LRP1B: variants seen among roughly 807,000 people sequenced by gnomAD.
The protein encoded by LRP1B is LDL receptor related protein 1B.
LRP1B carries 217 observed loss-of-function variants against 556.6 expected under a neutral mutation model. The ratio of observed to expected loss-of-function variants is 0.39; its 90% CI spans 0.35 to 0.44. LRP1B has a LOEUF of 0.44. LRP1B is among the 20% of genes least tolerant of loss of function. The pLI, the probability that LRP1B is intolerant of heterozygous loss-of-function variation, is 1.00. For synonymous variants in LRP1B, 2,047 were observed against 1,865.8 expected (o/e 1.10, Z -2.50); for missense variants, 5,053 against 5,620.8 (o/e 0.90, Z 3.23).
rs1385772 is a variant in LRP1B, at chr2:140,516,995, T to C, written c.8043A>G (p.Lys2681=). ...ELKCPVQNKH[K]CEENYFSCPS... Reference sequence around the variant, plus strand: ...GACAACTAAAATAATTTTCTTCACATTTGTGTTTGTTTTGAACTGTGATAA... The same window carrying C: ...GACAACTAAAATAATTTTCTTCACACTTGTGTTTGTTTTGAACTGTGATAA... Residue 2681 remains lysine (K), a synonymous_variant, in exon 50 of 91, where the codon AAA becomes AAG. Coordinates refer to ENST00000389484, the MANE Select transcript of LRP1B (RefSeq NM_018557.3). The C allele has an allele frequency of 1.0e-3, 1,606 of 1,590,502 alleles. 17 individuals are homozygous for C. The African/African-American group carries it at 0.019, about 19-fold the overall frequency.
intron 2 of LRP1B, among the ~76,000 whole-genome samples, chr2:141,774,619 C>G (rs1466972855): frequency 2.0e-5 from 3 of 152,080 alleles, no homozygotes; most frequent in Non-Finnish European, 4.4e-5. Context: ...TATATTAAAC[C>G]ACACATTTTT....
intron 35 of LRP1B, among the ~76,000 whole-genome samples, chr2:140,731,806 G>C (rs973371729): frequency 6.8e-6 from 1 of 147,040 alleles, no homozygotes; most frequent in South Asian, 2.1e-4. Flanking sequence ...AGCAACAATA[G>C]GCATTTATTA....
At chr2:141,865,927 C>T (rs376479024) in intron 1 of LRP1B, among the ~76,000 whole-genome samples, 2 of 152,332 alleles carry the variant, frequency 1.3e-5, no homozygotes, top group Admixed American at 6.5e-5. Context: ...TGTTCTTAAA[C>T]GGACTTAACC....
intron 35 of LRP1B, among the ~76,000 whole-genome samples, chr2:140,737,098 G>T (rs556107700): frequency 1.3e-5 from 2 of 152,248 alleles, no homozygotes; most frequent in Admixed American, 6.5e-5. Context: ...GAGGGTGGTT[G>T]CCCCAATAAA....
At chr2:142,092,029 G>A (rs535290245) in intron 1 of LRP1B, among the ~76,000 whole-genome samples, 6 of 152,272 alleles carry the variant, frequency 3.9e-5, no homozygotes, top group South Asian at 2.1e-4. Context: ...ACAAGAGGAC[G>A]AACACTCACT....
At chr2:140,328,812 CAT>C (rs1243029407) in intron 79 of LRP1B, among the ~76,000 whole-genome samples, 2 of 151,486 alleles carry the variant, frequency 1.3e-5, no homozygotes, top group African/African-American at 4.9e-5. Context: ...ACTTATTTTT[CAT>C]ACACATACAC....
At chr2:140,292,096 C>T (rs1014968071) in intron 84 of LRP1B, among the ~76,000 whole-genome samples, 2 of 152,200 alleles carry the variant, frequency 1.3e-5, no homozygotes, top group South Asian at 4.1e-4. Flanking sequence ...CAGTTAGCTG[C>T]ATAAATGTCG....
At chr2:141,681,345 TA>T (rs796274007) in intron 2 of LRP1B, among the ~76,000 whole-genome samples, 1 of 149,804 alleles carries the variant, frequency 6.7e-6, no homozygotes, top group Admixed American at 6.7e-5. Flanking sequence ...TCTTGGTAAA[TA>T]AAAAAAAAAT....
chr2:141,702,268 G>A (rs890231292), intron 2 of LRP1B, among the ~76,000 whole-genome samples: 7 of 151,844 alleles, frequency 4.6e-5, no homozygotes, highest in African/African-American at 1.7e-4. Context: ...TTATAGGCAG[G>A]TGAAGAAAAT....
At chr2:141,039,290 A>G (rs1349989359) in intron 11 of LRP1B, among the ~76,000 whole-genome samples, 2 of 152,028 alleles carry the variant, frequency 1.3e-5, no homozygotes, top group African/African-American at 2.4e-5. Context: ...CATGCACATA[A>G]CATTTATTAT....
At chr2:142,023,952 T>G (rs1201214604) in intron 1 of LRP1B, among the ~76,000 whole-genome samples, 1 of 152,230 alleles carries the variant, frequency 6.6e-6, no homozygotes, top group Admixed American at 6.5e-5. Context: ...ATGACTTTTA[T>G]GTATGTATTT....
rs372525702 is a variant in LRP1B at position 140,323,133 on chromosome 2, A to G, written c.12514+760T>C. On this transcript the variant is annotated intron_variant, in intron 81 of 90. Transcript: ENST00000389484. ...AGATAAAATCCATTTCATTTGCCAT[A>G]AATAGTAATTACAAATAACCCTTCA... 2.6e-3 allele frequency among the ~76,000 whole-genome samples: 395 copies of G among 152,188 alleles called. 2 individuals carry two copies. Among genetic ancestry groups the G allele is most frequent in the African/African-American group, 9.1e-3 (379 of 41,570 alleles).
At chr2:140,997,074 C>A (rs1697268942) in intron 15 of LRP1B, among the ~76,000 whole-genome samples, 1 of 151,896 alleles carries the variant, frequency 6.6e-6, no homozygotes, top group Admixed American at 6.6e-5. Flanking sequence ...CCATTTCTAG[C>A]AAAAATTCTA....
In LRP1B at chr2:140,247,377, G is replaced by A. The variant is rs1681211614; in HGVS notation, c.13248-215C>T. On this transcript the variant is annotated intron_variant, in intron 86 of 90. Transcript: ENST00000389484. ...CCTTTGTTAAAATACTTTTTAAAAT[G>A]TAGATTTATAGACATTTTACTTATT... Among the ~76,000 whole-genome samples the A allele has an allele frequency of 2.0e-5, 3 of 151,534 alleles. No individual in the cohort carries two copies. The Admixed American group carries it at 2.0e-4, about 10-fold the overall frequency.
At chr2:141,089,515 G>T (rs1329156008) in intron 7 of LRP1B, among the ~76,000 whole-genome samples, 1 of 152,168 alleles carries the variant, frequency 6.6e-6, no homozygotes, top group African/African-American at 2.4e-5. Flanking sequence ...CCAGAAAAAT[G>T]AAAATTGTGT....
chr2:140,823,124 T>C (rs1022728723), intron 31 of LRP1B, among the ~76,000 whole-genome samples: 2 of 152,146 alleles, frequency 1.3e-5, no homozygotes, highest in South Asian at 4.1e-4. Context: ...ATGATGAGAA[T>C]ACAGGTACTA....
chr2:141,245,702 C>G (rs1472738386), intron 5 of LRP1B, among the ~76,000 whole-genome samples: 1 of 152,106 alleles, frequency 6.6e-6, no homozygotes, highest in Non-Finnish European at 1.5e-5. Flanking sequence ...AGCCAATCAA[C>G]AATACTTACT....
At chr2:140,481,092 C>T (rs774681702) in intron 59 of LRP1B, among the ~76,000 whole-genome samples, 6 of 152,196 alleles carry the variant, frequency 3.9e-5, no homozygotes, top group Non-Finnish European at 7.3e-5. Flanking sequence ...TCTCCAACTC[C>T]TGATCTCATG....
chr2:141,597,414 C>A (rs1687563163), intron 2 of LRP1B, among the ~76,000 whole-genome samples: 1 of 152,018 alleles, frequency 6.6e-6, no homozygotes, highest in South Asian at 2.1e-4. Context: ...CTTCAGTGGC[C>A]TTCCCAGTTA....
Sources: allele counts gnomAD v4.1 joint callset (sites outside exome capture counted in the v4.1 genomes callset), GRCh38; gene constraint gnomAD v4.1.1; transcripts MANE v1.5; gene names NCBI Gene and HGNC (gene_info 2026-07-23, HGNC 2026-07-21).